Variants in RELCH observed in about 807,000 individuals in gnomAD.
RELCH encodes the protein RAB11 binding and LisH domain, coiled-coil and HEAT repeat containing.
A neutral mutation model predicts 150.3 loss-of-function variants in RELCH; 41 were observed. That is an observed-to-expected ratio of 0.27 (90% CI 0.21 to 0.35). The LOEUF is 0.35. Ranked by LOEUF, RELCH falls within the 10% of genes least tolerant of loss-of-function variation. RELCH has a pLI of 1.00. For missense variants in RELCH, 1,092 were observed against 1,467.8 expected (o/e 0.74, Z 4.18); for synonymous variants, 478 against 531.8 (o/e 0.90, Z 1.39).
At chr18:62,228,002 G>T (rs1316669694) in intron 7 of RELCH, among the ~76,000 whole-genome samples, 1 of 151,906 alleles carries the variant, frequency 6.6e-6, no homozygotes, top group Non-Finnish European at 1.5e-5. Flanking sequence ...TTTAGTTCTT[G>T]TAATAATCCT....
intron 1 of RELCH, 59 bp downstream of exon 1, chr18:62,188,090 G>A: frequency 1.4e-6 from 2 of 1,459,130 alleles, no homozygotes; most frequent in Non-Finnish European, 1.8e-6. Context: ...CGGAGTTACT[G>A]TAGGGGAGAG....
chr18:62,201,260 A>G (rs560645857), intron 1 of RELCH, among the ~76,000 whole-genome samples: 1 of 151,928 alleles, frequency 6.6e-6, no homozygotes, highest in East Asian at 1.9e-4. Context: ...GGCGTGAGCC[A>G]CCGCCCCCGG....
intron 5 of RELCH, 52 bp downstream of exon 5, chr18:62,221,549 C>A: frequency 1.4e-5 from 10 of 716,448 alleles, no homozygotes; most frequent in Non-Finnish European, 2.0e-5. Context: ...TTATAATTCA[C>A]TTTTTCTTTT....
chr18:62,265,554 A>C (rs541930987), intron 18 of RELCH, among the ~76,000 whole-genome samples: 1 of 152,092 alleles, frequency 6.6e-6, no homozygotes, highest in Non-Finnish European at 1.5e-5. Context: ...ACACATTTAA[A>C]AGGTAAGCAT....
At chr18:62,210,541 A>G (rs2040090786) in intron 1 of RELCH, among the ~76,000 whole-genome samples, 1 of 152,190 alleles carries the variant, frequency 6.6e-6, no homozygotes, top group South Asian at 2.1e-4. Context: ...AATTTCTATT[A>G]GCATTTTTTA....
rs377746154 is a variant in RELCH at position 62,220,365 on chromosome 18, ATT to A, written c.617-655_617-654del. 7.4e-3 allele frequency among the ~76,000 whole-genome samples: 953 copies of A among 128,090 alleles called. 10 individuals carry two copies. Among genetic ancestry groups the A allele is most frequent in the East Asian group, 0.022 (96 of 4,358 alleles). 84.0% of individuals were successfully genotyped at this position (128,090 alleles called of 152,430 possible). On this transcript the variant is annotated intron_variant, in intron 2 of 28. Coordinates refer to ENST00000644646, the MANE Select transcript of RELCH (RefSeq NM_001346231.2). ...AAAAATAAAACCCTTGGGGTTTTGG[ATT>A]TTTTTTTTTTTTTTTTGATATGTGT...
chr18:62,287,533 T>C, intron 26 of RELCH, 66 bp downstream of exon 26: 1 of 837,790 alleles, frequency 1.2e-6, no homozygotes, highest in South Asian at 1.5e-5. Context: ...ACTTGGTTGG[T>C]AAAGATTGAA....
intron 1 of RELCH, among the ~76,000 whole-genome samples, chr18:62,199,092 G>C (rs1251498961): frequency 1.3e-5 from 2 of 150,216 alleles, no homozygotes; most frequent in Non-Finnish European, 3.0e-5. Context: ...TTCTTGCCTG[G>C]TATCCTTGTC....
intron 10 of RELCH, among the ~76,000 whole-genome samples, chr18:62,239,425 A>G (rs1002037322): frequency 1.3e-5 from 2 of 151,970 alleles, no homozygotes; most frequent in African/African-American, 4.8e-5. Context: ...TTTCAACTGA[A>G]AAGTTAAATC....
At chr18:62,283,413 A>G (rs1317061375) in intron 25 of RELCH, among the ~76,000 whole-genome samples, 3 of 152,188 alleles carry the variant, frequency 2.0e-5, no homozygotes, top group African/African-American at 7.2e-5. Flanking sequence ...ATTTTTAGCA[A>G]TTTGACATGC....
chr18:62,306,984 A>G lies in RELCH; in HGVS notation c.*1450A>G, dbSNP rs1378185010. 1 of 152,646 alleles carries G rather than the reference A, an allele frequency of 6.6e-6. No individual in the cohort carries two copies. Among genetic ancestry groups the G allele is most frequent in the East Asian group, 1.9e-4 (1 of 5,208 alleles). 9.5% of individuals were successfully genotyped at this position (152,646 alleles called of 1,614,324 possible). On this transcript the variant is annotated 3_prime_UTR_variant, in exon 29 of 29. Coordinates refer to ENST00000644646, the MANE Select transcript of RELCH (RefSeq NM_001346231.2). ...CATTCTGAAATTATTTCATTTACCT[A>G]CAGTGAAATAATTGTGAACTAAGTA...
At chr18:62,269,693 A>G (rs1030403638) in intron 20 of RELCH, among the ~76,000 whole-genome samples, 35 of 152,182 alleles carry the variant, frequency 2.3e-4, no homozygotes, top group Non-Finnish European at 8.8e-5. Flanking sequence ...ATTTTCTTAT[A>G]CTTTTTCACA....
intron 10 of RELCH, among the ~76,000 whole-genome samples, chr18:62,236,786 ATTG>A (rs2041902302): frequency 6.6e-6 from 1 of 151,038 alleles, no homozygotes; most frequent in Non-Finnish European, 1.5e-5. Context: ...AATTCTCTTT[ATTG>A]TTTTTCTAGT....
chr18:62,266,696 C>T lies in RELCH; in HGVS notation c.2632-5C>T, dbSNP rs1395595606. The T allele has an allele frequency of 1.9e-6, 3 of 1,596,836 alleles. No individual in the cohort carries two copies. Among genetic ancestry groups the T allele is most frequent in the Admixed American group, 1.7e-5 (1 of 58,920 alleles). On this transcript the variant is annotated splice_polypyrimidine_tract_variant and splice_region_variant and intron_variant, in intron 18 of 28. Coordinates refer to ENST00000644646, the MANE Select transcript of RELCH (RefSeq NM_001346231.2). ...CTTTTTGAATCTTCTCTTTGGGTTG[C>T]TTAGGTAAAACCTCAGTTCCAGGAG...
At chr18:62,275,535 G>A (rs1238464955) in intron 22 of RELCH, 62 bp downstream of exon 22, 18 of 1,027,976 alleles carry the variant, frequency 1.8e-5, no homozygotes, top group African/African-American at 3.2e-5. Context: ...TTGCGAAGAA[G>A]AAGGGAATTT....
At chr18:62,227,830 A>G (rs1228942900) in intron 7 of RELCH, 141 bp downstream of exon 7, 3 of 504,786 alleles carry the variant, frequency 5.9e-6, no homozygotes. Flanking sequence ...AAGTTTTGTA[A>G]TTGTTTAATG....
rs188042629 is a variant in RELCH at position 62,275,106 on chromosome 18, A to G, written c.2868-268A>G. ...TAATTTTTGTGTTTTTAGTAGAGAC[A>G]GGGTTTCACCATGTTGGCCAGGATG... On this transcript the variant is annotated intron_variant, in intron 21 of 28. Coordinates refer to ENST00000644646, the MANE Select transcript of RELCH (RefSeq NM_001346231.2). Among the ~76,000 whole-genome samples, 241 of 152,204 alleles carry G rather than the reference A, an allele frequency of 1.6e-3. 1 individual carries two copies. The highest frequency in any genetic ancestry group is 5.4e-3 in the African/African-American group (225 of 41,558).
intron 12 of RELCH, 152 bp downstream of exon 12, chr18:62,252,906 C>T: frequency 6.3e-6 from 4 of 631,332 alleles, no homozygotes; most frequent in South Asian, 6.1e-5. Flanking sequence ...TTAGTACTTA[C>T]GAATGCTCTG....
In RELCH at chr18:62,227,410, G is replaced by T; in HGVS notation, c.980G>T (p.Gly327Val). Residue 327 changes from glycine (G) to valine (V), a missense_variant, in exon 6 of 29, where the codon GGA (glycine) becomes GTA (valine). Gly to Val is a moderately radical substitution (Grantham distance 109). This residue lies in a region of RELCH where 57 missense variants were observed against 41.5 expected (regional missense o/e 1.37). Coordinates refer to ENST00000644646, the MANE Select transcript of RELCH (RefSeq NM_001346231.2). ...TGKDLVDVAS[G>V]VEEDELEALT... ...AAAGATCTTGTAGATGTGGCCAGTG[G>T]AGTAGAAGAAGATGAATTAGAGGCC... 1 of 1,613,256 alleles carries T rather than the reference G, an allele frequency of 6.2e-7. No individual in the cohort carries two copies. The highest frequency in any genetic ancestry group is 8.5e-7 in the Non-Finnish European group (1 of 1,179,534).
Sources: gnomAD v4.1 joint callset for allele counts (sites outside exome capture counted in the v4.1 genomes callset) on GRCh38, gnomAD v4.1.1 for gene constraint, gnomAD v4.1.1 regional missense constraint, MANE v1.5 for transcripts, NCBI Gene and HGNC (gene_info 2026-07-23, HGNC 2026-07-21) for gene names.